The following APOBEC3F variants were observed in gnomAD, a reference collection of about 807,000 sequenced individuals.
The protein encoded by APOBEC3F is apolipoprotein B mRNA editing enzyme catalytic subunit 3F.
Under a neutral mutation model 45.8 loss-of-function variants are expected in APOBEC3F, and 34 were observed. The observed-to-expected ratio is 0.74, with a 90% confidence interval of 0.57 to 0.99. The LOEUF (loss-of-function observed/expected upper bound fraction) is 0.99, where lower values mean the gene tolerates loss of function less well. Ranked by LOEUF, APOBEC3F falls within the 50% of genes least tolerant of loss-of-function variation. The pLI, the probability that APOBEC3F is intolerant of heterozygous loss-of-function variation, is 0.00. For missense variants in APOBEC3F, 459 were observed against 474.1 expected (o/e 0.97, Z 0.30); for synonymous variants, 192 against 174.4 (o/e 1.10, Z -0.80).
At chr22:39,051,274 C>G (rs1372007929) in intron 5 of APOBEC3F, among the ~76,000 whole-genome samples, 1 of 151,614 alleles carries the variant, frequency 6.6e-6, no homozygotes, top group Non-Finnish European at 1.5e-5. Context: ...TGCAGTGGTT[C>G]ACGCCTGTAA....
chr22:39,049,585 G>A lies in APOBEC3F; in HGVS notation c.723+4G>A. The A allele has an allele frequency of 1.2e-6, 2 of 1,613,824 alleles. No homozygotes were observed. Among genetic ancestry groups the A allele is most frequent in the African/African-American group, 1.3e-5 (1 of 74,956 alleles). Reference sequence around the variant, plus strand: ...GAGGGGCGTCTTCCGAAACCAGGTAGCACCAAAGTCCTATTTACACCCCAA... The same window carrying A: ...GAGGGGCGTCTTCCGAAACCAGGTAACACCAAAGTCCTATTTACACCCCAA... On this transcript the variant is annotated splice_donor_region_variant and intron_variant, in intron 5 of 6. Transcript: ENST00000308521.
Position 39,045,419 on chromosome 22 carries a change from T to C in APOBEC3F, c.452-9T>C, listed in dbSNP as rs748269543. 6.2e-7 allele frequency: 1 copy of C among 1,614,058 alleles called. No homozygotes were observed. Among genetic ancestry groups the C allele is most frequent in the Non-Finnish European group, 8.5e-7 (1 of 1,179,946 alleles). ...CAGAGCCTGACTGCTTCCTGCCTCT[T>C]CGTCTCAGAATTTGCATACTGCTGG... On this transcript the variant is annotated splice_polypyrimidine_tract_variant and intron_variant, in intron 3 of 6. Transcript: ENST00000308521.
chr22:39,045,534 G>A lies in APOBEC3F; in HGVS notation c.558G>A (p.Glu186=). The A allele has an allele frequency of 6.2e-7, 1 of 1,614,120 alleles. No homozygotes were observed. Among genetic ancestry groups the A allele is most frequent in the Non-Finnish European group, 8.5e-7 (1 of 1,180,000 alleles). The change falls in exon 4 of 7, where the codon GAG becomes GAA. Residue 186 remains glutamate, a synonymous_variant. Coordinates refer to ENST00000308521, the MANE Select transcript of APOBEC3F (RefSeq NM_145298.6). The part of the protein sequence containing the change: ...NYAFLHRTLK[E]ILRNPMEAMY... ...CATTCCTGCACCGCACGCTAAAGGA[G>A]ATTCTCAGGTGAGGGTCTCCCTCTG... is the stretch of plus-strand genomic sequence containing the variant.
intron 1 of APOBEC3F, among the ~76,000 whole-genome samples, 164 bp downstream of exon 1, chr22:39,041,141 C>G (rs1343674087): frequency 6.6e-6 from 1 of 151,722 alleles, no homozygotes; most frequent in Non-Finnish European, 1.5e-5. Flanking sequence ...CTTTTTCCTG[C>G]TCTGTGGTTG....
At chr22:39,044,610 T>C (rs1025629462) in intron 2 of APOBEC3F, among the ~76,000 whole-genome samples, 12 of 152,038 alleles carry the variant, frequency 7.9e-5, no homozygotes, top group African/African-American at 2.4e-4. Flanking sequence ...TAGTCTGACA[T>C]ACTGCCCCCC....
rs1927164256 is a variant in APOBEC3F, at chr22:39,045,417, C to T, written c.452-11C>T. 6.2e-7 allele frequency: 1 copy of T among 1,613,950 alleles called. No individual in the cohort carries two copies. Among genetic ancestry groups the T allele is most frequent in the African/African-American group, 1.3e-5 (1 of 74,900 alleles). ...GGCAGAGCCTGACTGCTTCCTGCCT[C>T]TTCGTCTCAGAATTTGCATACTGCT... On this transcript the variant is annotated splice_polypyrimidine_tract_variant and intron_variant, in intron 3 of 6. Transcript: ENST00000308521.
At chr22:39,049,710 T>C in intron 5 of APOBEC3F, 129 bp downstream of exon 5, 1 of 1,235,450 alleles carries the variant, frequency 8.1e-7, no homozygotes, top group Non-Finnish European at 1.1e-6. Flanking sequence ...TTTTTTTTTT[T>C]TTTTTTTGAG....
Position 39,052,589 on chromosome 22 carries a change from G to A in APOBEC3F, c.1016G>A (p.Cys339Tyr). The A allele has an allele frequency of 1.2e-6, 2 of 1,612,920 alleles. No homozygotes were observed. The highest frequency in any genetic ancestry group is 1.7e-6 in the Non-Finnish European group (2 of 1,179,470). ...EIMGYKDFKY[C>Y]WENFVYNDDE... ...TGTTTTTTCTCAGATTTTAAATATT[G>A]TTGGGAAAACTTTGTGTACAATGAT... The change falls in exon 7 of 7, where the codon TGT becomes TAT. Residue 339 changes from cysteine to tyrosine, a missense_variant. Cys to Tyr is a radical substitution (Grantham distance 194, BLOSUM62 -2). Coordinates refer to ENST00000308521, the MANE Select transcript of APOBEC3F (RefSeq NM_145298.6).
rs1304387608 is a variant in APOBEC3F, at chr22:39,045,141, C to T, written c.372C>T (p.Tyr124=). 1 of 1,614,004 alleles carries T rather than the reference C, an allele frequency of 6.2e-7. No homozygotes were observed. The highest frequency in any genetic ancestry group is 8.5e-7 in the Non-Finnish European group (1 of 1,180,042). ...TLTISAARLY[Y]YWERDYRRAL... ...CCATCTCCGCCGCCCGCCTCTACTA[C>T]TACTGGGAAAGAGATTACCGAAGGG... Residue 124 remains tyrosine, a synonymous_variant, in exon 3 of 7, where the codon TAC becomes TAT. Coordinates refer to ENST00000308521, the MANE Select transcript of APOBEC3F (RefSeq NM_145298.6).
intron 2 of APOBEC3F, among the ~76,000 whole-genome samples, chr22:39,043,684 A>T (rs1317696409): frequency 3.3e-5 from 5 of 151,942 alleles, no homozygotes; most frequent in African/African-American, 1.2e-4. Context: ...TCTTGACAAG[A>T]TAATGAAGTT....
Position 39,055,937 on chromosome 22 carries a change from C to T in APOBEC3F, c.*3242C>T, listed in dbSNP as rs372202869. Among the ~76,000 whole-genome samples, 15 of 152,296 alleles carry T rather than the reference C, an allele frequency of 9.8e-5. No homozygotes were observed. Among genetic ancestry groups the T allele is most frequent in the Admixed American group, 3.3e-4 (5 of 15,300 alleles). ...CAATCTTCAGATGCAAGTCTGTCAA[C>T]GCTCCCAGCTGATTAAAGCCTCTTC... On this transcript the variant is annotated 3_prime_UTR_variant, in exon 7 of 7. Transcript: ENST00000308521.
At chr22:39,042,393 C>A (rs1052750649) in intron 1 of APOBEC3F, among the ~76,000 whole-genome samples, 1 of 149,264 alleles carries the variant, frequency 6.7e-6, no homozygotes, top group Non-Finnish European at 1.5e-5. Flanking sequence ...CTCACTACAA[C>A]CTCCGCCTCC....
At position 39,045,101 on chromosome 22, in the gene APOBEC3F, C is replaced by A. The variant is rs751600905; in HGVS notation, c.332C>A (p.Pro111His). The A allele has an allele frequency of 8.7e-6, 14 of 1,613,844 alleles. No individual in the cohort carries two copies. In the Admixed American group the frequency reaches 2.2e-4, roughly 25 times the overall value. The change falls in exon 3 of 7, where the codon CCC becomes CAC. Residue 111 changes from proline (P) to histidine (H), a missense_variant. By Grantham distance (77) the Pro-to-His change is moderately conservative. Transcript: ENST00000308521. ...CTGGCCGAATTCCTGGCTGAGCACCCCAATGTCACCCTGACCATCTCCGCC... is the reference window on the plus strand; with the variant it reads ...CTGGCCGAATTCCTGGCTGAGCACCACAATGTCACCCTGACCATCTCCGCC... Reference protein sequence around the residue: ...AKLAEFLAEHPNVTLTISAAR... With the variant: ...AKLAEFLAEHHNVTLTISAAR...
chr22:39,044,585 C>T (rs1012446133), intron 2 of APOBEC3F, among the ~76,000 whole-genome samples: 1 of 151,994 alleles, frequency 6.6e-6, no homozygotes, highest in African/African-American at 2.4e-5. Context: ...GCCACGGGGA[C>T]AAGAGGAAGC....
chr22:39,044,005 A>C, intron 2 of APOBEC3F: 2 of 1,458,704 alleles, frequency 1.4e-6, no homozygotes, highest in Middle Eastern at 3.6e-4. Context: ...AGCCTGGGCA[A>C]CAAGAGTGAA....
rs1265475600 is a variant in APOBEC3F, at chr22:39,052,597, A to G, written c.1024A>G (p.Asn342Asp). 1 of 1,612,976 alleles carries G rather than the reference A, an allele frequency of 6.2e-7. No individual in the cohort carries two copies. The highest frequency in any genetic ancestry group is 8.5e-7 in the Non-Finnish European group (1 of 1,179,664). Residue 342 changes from asparagine (N) to aspartate (D), a missense_variant, in exon 7 of 7, where the codon AAC becomes GAC. Coordinates refer to ENST00000308521, the MANE Select transcript of APOBEC3F (RefSeq NM_145298.6). ...CTCAGATTTTAAATATTGTTGGGAA[A>G]ACTTTGTGTACAATGATGATGAGCC... ...GYKDFKYCWE[N>D]FVYNDDEPFK...
chr22:39,048,753 G>A (rs148616560), intron 4 of APOBEC3F, among the ~76,000 whole-genome samples: 164 of 152,298 alleles, frequency 1.1e-3, no homozygotes, highest in African/African-American at 3.6e-3. Context: ...GTTGCAGTGA[G>A]CCGAGATTGT....
rs1927552609 is a variant in APOBEC3F, at chr22:39,052,607, A to T, written c.1034A>T (p.Tyr345Phe). 1 of 1,613,528 alleles carries T rather than the reference A, an allele frequency of 6.2e-7. No homozygotes were observed. Among genetic ancestry groups the T allele is most frequent in the Non-Finnish European group, 8.5e-7 (1 of 1,179,838 alleles). ...AAATATTGTTGGGAAAACTTTGTGT[A>T]CAATGATGATGAGCCATTCAAGCCT... ...DFKYCWENFV[Y>F]NDDEPFKPWK... The change falls in exon 7 of 7, where the codon TAC (tyrosine) becomes TTC (phenylalanine). Residue 345 changes from tyrosine (Y) to phenylalanine (F), a missense_variant. Transcript: ENST00000308521.
chr22:39,041,085 C>T, intron 1 of APOBEC3F, 108 bp downstream of exon 1: 1 of 1,521,362 alleles, frequency 6.6e-7, no homozygotes, highest in East Asian at 2.5e-5. Context: ...CAGCCCTGGG[C>T]TCCCTCCCCT....
Sources: gnomAD v4.1 joint callset for allele counts (sites outside exome capture counted in the v4.1 genomes callset) on GRCh38, gnomAD v4.1.1 for gene constraint, MANE v1.5 for transcripts, NCBI Gene and HGNC (gene_info 2026-07-23, HGNC 2026-07-21) for gene names.